The following MAGI1 variants were observed in gnomAD, a reference collection of about 807,000 sequenced individuals.
The protein encoded by MAGI1 is membrane associated guanylate kinase, WW and PDZ domain containing 1.
A neutral mutation model predicts 139.9 loss-of-function variants in MAGI1; 58 were observed. That is an observed-to-expected ratio of 0.41 (90% confidence interval 0.34 to 0.52). The LOEUF is 0.52. MAGI1 is among the 20% of genes least tolerant of loss of function. The pLI is 0.12. For missense variants in MAGI1, 1,874 were observed against 1,901.6 expected (o/e 0.99, Z 0.27); for synonymous variants, 812 against 737.9 (o/e 1.10, Z -1.63).
intron 1 of MAGI1, among the ~76,000 whole-genome samples, chr3:65,906,990 A>G (rs2061462850): frequency 6.6e-6 from 1 of 151,796 alleles, no homozygotes; most frequent in Non-Finnish European, 1.5e-5. Context: ...TAGAGAAATG[A>G]GATTTCCCTT....
intron 1 of MAGI1, among the ~76,000 whole-genome samples, chr3:65,972,190 CCA>C (rs1576313249): frequency 6.6e-6 from 1 of 152,134 alleles, no homozygotes; most frequent in Non-Finnish European, 1.5e-5. Context: ...GACAAGAAGT[CCA>C]CACACACTAG....
chr3:65,522,687 C>A (rs2078216722), intron 2 of MAGI1, among the ~76,000 whole-genome samples: 1 of 152,196 alleles, frequency 6.6e-6, no homozygotes, highest in African/African-American at 2.4e-5. Flanking sequence ...GGTGTCAGTA[C>A]TCAAGACTTC....
intron 2 of MAGI1, among the ~76,000 whole-genome samples, chr3:65,616,670 G>C (rs2083387448): frequency 6.6e-6 from 1 of 152,204 alleles, no homozygotes; most frequent in African/African-American, 2.4e-5. Flanking sequence ...AACAGCAATA[G>C]AGAGAAAGTT....
At chr3:65,516,351 T>C (rs1031373047) in intron 2 of MAGI1, among the ~76,000 whole-genome samples, 12 of 152,050 alleles carry the variant, frequency 7.9e-5, no homozygotes, top group African/African-American at 2.9e-4. Flanking sequence ...GGCTAATTTC[T>C]GTATTTTTAG....
At chr3:65,782,058 C>T (rs1289364054) in intron 1 of MAGI1, among the ~76,000 whole-genome samples, 2 of 152,194 alleles carry the variant, frequency 1.3e-5, no homozygotes, top group Non-Finnish European at 2.9e-5. Flanking sequence ...GAGACCCTAA[C>T]TATCAAAGGG....
rs1329065588 is a variant in MAGI1 at position 65,354,171 on chromosome 3, C to T, written c.*2207G>A. ...CCTGGGAATAAAATCTCCAAGTCAG[C>T]TCTTAGGAACTTGATGAAAAAGAAC... On this transcript the variant is annotated 3_prime_UTR_variant, in exon 23 of 23. Coordinates refer to ENST00000402939, the MANE Select transcript of MAGI1 (RefSeq NM_001033057.2). 1 of 152,374 alleles carries T rather than the reference C, an allele frequency of 6.6e-6. No homozygotes were observed. The highest frequency in any genetic ancestry group is 1.5e-5 in the Non-Finnish European group (1 of 68,032). The allele number at this position is 152,374 out of a possible 1,614,324, so 9.4% of individuals were successfully genotyped here. A position where few individuals can be genotyped will look rare whatever the true frequency, so the allele number is the denominator to read the frequency against.
At chr3:65,392,485 G>C (rs1429924819) in intron 13 of MAGI1, among the ~76,000 whole-genome samples, 1 of 152,136 alleles carries the variant, frequency 6.6e-6, no homozygotes, top group Non-Finnish European at 1.5e-5. Flanking sequence ...TATAGATCCT[G>C]TAGAGCTCGT....
intron 2 of MAGI1, among the ~76,000 whole-genome samples, chr3:65,508,813 A>G (rs533823713): frequency 5.9e-5 from 9 of 152,218 alleles, no homozygotes; most frequent in African/African-American, 1.4e-4. Context: ...CATGTGTATT[A>G]AGTGAGTGTC....
intron 1 of MAGI1, among the ~76,000 whole-genome samples, chr3:65,749,120 T>C (rs1011012957): frequency 1.3e-5 from 2 of 151,596 alleles, no homozygotes; most frequent in Admixed American, 6.6e-5. Flanking sequence ...AGTGGGAGAG[T>C]TGATGGGCTT....
chr3:65,589,199 C>T (rs1301876549), intron 2 of MAGI1, among the ~76,000 whole-genome samples: 1 of 152,054 alleles, frequency 6.6e-6, no homozygotes, highest in Non-Finnish European at 1.5e-5. Context: ...GATTCATTTC[C>T]TTACAATGGG....
chr3:65,829,270 TA>T (rs2108287514), intron 1 of MAGI1, among the ~76,000 whole-genome samples: 1 of 152,198 alleles, frequency 6.6e-6, no homozygotes, highest in East Asian at 1.9e-4. Flanking sequence ...TCTTGGTCTT[TA>T]AAATCAAAAG....
In MAGI1 at chr3:65,957,535, GAAA is replaced by G. The variant is rs1267498020; in HGVS notation, c.313+80458_313+80460del. Among the ~76,000 whole-genome samples the G allele has an allele frequency of 5.6e-5, 5 of 88,566 alleles. No individual in the cohort carries two copies. The South Asian group carries it at 2.6e-3, about 45-fold the overall frequency. The allele number at this position is 88,566 out of a possible 152,430, so 58.1% of individuals were successfully genotyped here. A position where few individuals can be genotyped will look rare whatever the true frequency, so the allele number is the denominator to read the frequency against. ...GACTTCATCTCAAAAAAAAAAAAAAGAAAAAGAAAAGAAAAAGGAATGAACTAC... is the reference window on the plus strand; with the variant it reads ...GACTTCATCTCAAAAAAAAAAAAAAGAAGAAAAGAAAAAGGAATGAACTAC... On this transcript the variant is annotated intron_variant, in intron 1 of 22. Coordinates refer to ENST00000402939, the MANE Select transcript of MAGI1 (RefSeq NM_001033057.2).
At chr3:65,639,226 G>C (rs1330870358) in intron 1 of MAGI1, among the ~76,000 whole-genome samples, 1 of 152,134 alleles carries the variant, frequency 6.6e-6, no homozygotes, top group East Asian at 1.9e-4. Flanking sequence ...GTCCCTTGCA[G>C]AAAAACATTT....
chr3:65,444,831 T>A (rs1948575546), intron 7 of MAGI1, among the ~76,000 whole-genome samples: 1 of 152,162 alleles, frequency 6.6e-6, no homozygotes, highest in Admixed American at 6.6e-5. Flanking sequence ...AAACACATCT[T>A]TTGGAACAGA....
intron 11 of MAGI1, 85 bp from the exon 12 acceptor site, chr3:65,430,225 G>A: frequency 7.2e-7 from 1 of 1,382,146 alleles, no homozygotes; most frequent in Non-Finnish European, 1.0e-6. Context: ...CTAACATAAA[G>A]CTGAACTGAA....
intron 5 of MAGI1, among the ~76,000 whole-genome samples, chr3:65,465,234 A>G (rs1426142163): frequency 6.6e-6 from 1 of 151,452 alleles, no homozygotes; most frequent in Non-Finnish European, 1.5e-5. Flanking sequence ...TTATATCTCA[A>G]TAAAAATGGG....
chr3:65,693,638 C>T (rs983307887), intron 1 of MAGI1, among the ~76,000 whole-genome samples: 6 of 152,150 alleles, frequency 3.9e-5, no homozygotes, highest in South Asian at 2.1e-4. Context: ...AGACCAAAGG[C>T]GGCCTGATCC....
chr3:65,721,047 C>T (rs2032955861), intron 1 of MAGI1, among the ~76,000 whole-genome samples: 1 of 152,060 alleles, frequency 6.6e-6, no homozygotes, highest in South Asian at 2.1e-4. Context: ...AAATCCCTGG[C>T]CATTCTCCTA....
At position 65,470,335 on chromosome 3, in the gene MAGI1, G is replaced by T. The variant is rs768617095; in HGVS notation, c.907C>A (p.Pro303Thr). The T allele has an allele frequency of 6.2e-7, 1 of 1,613,616 alleles. No homozygotes were observed. Among genetic ancestry groups the T allele is most frequent in the Non-Finnish European group, 8.5e-7 (1 of 1,179,716 alleles). ...LSAEDNLGPLPENWEMAYTEN... is the reference protein window; with the variant it reads ...LSAEDNLGPLTENWEMAYTEN... ...GTATAGGCCATCTCCCAGTTTTCAG[G>T]TAGAGGACCTAAATTATCCTCTGCA... is the stretch of plus-strand genomic sequence containing the variant. Residue 303 changes from proline (P) to threonine (T), a missense_variant, in exon 5 of 23, where the codon CCT (proline) becomes ACT (threonine). Pro to Thr is a conservative substitution (Grantham distance 38, BLOSUM62 -1). Around this residue, in one of 5 missense-constraint regions of MAGI1, gnomAD observed 648 missense variants for 598.1 expected, o/e 1.08. Coordinates refer to ENST00000402939, the MANE Select transcript of MAGI1 (RefSeq NM_001033057.2).
Sources: allele counts gnomAD v4.1 joint callset (sites outside exome capture counted in the v4.1 genomes callset), GRCh38; gene constraint gnomAD v4.1.1; regional missense constraint gnomAD v4.1.1; transcripts MANE v1.5; gene names NCBI Gene and HGNC (gene_info 2026-07-23, HGNC 2026-07-21).